The following DCAF4 variants were observed in gnomAD, a reference collection of about 807,000 sequenced individuals.
DCAF4 encodes the protein DDB1 and CUL4 associated factor 4, also known as DDB1- and CUL4-associated factor 4.
DCAF4 carries 37 observed loss-of-function variants against 60.9 expected under a neutral mutation model. That is an observed-to-expected ratio of 0.61 (90% CI 0.47 to 0.80). The LOEUF (loss-of-function observed/expected upper bound fraction) is 0.80. Among genes scored for constraint, DCAF4 ranks in the 30% least tolerant of loss-of-function variants. The pLI is 0.00. For synonymous variants in DCAF4, 243 were observed against 254.8 expected, an observed-to-expected ratio of 0.95 and a Z score of 0.44; for missense variants, 577 against 650.0, an observed-to-expected ratio of 0.89 and a Z score of 1.22.
rs1260594573 is a variant in DCAF4 at position 72,953,780 on chromosome 14, ATTTGTGTGTG to A, written c.809-382_809-373del. Reference sequence around the variant, plus strand: ...ATATATATAGTTTATTTATTTATTTATTTGTGTGTGTGTGTGTGTGTGTGTGTGTGTGTGT... The same window carrying A: ...ATATATATAGTTTATTTATTTATTTATGTGTGTGTGTGTGTGTGTGTGTGT... On this transcript the variant is annotated intron_variant, in intron 9 of 13. Coordinates refer to ENST00000358377, the MANE Select transcript of DCAF4 (RefSeq NM_015604.4). Among the ~76,000 whole-genome samples the A allele has an allele frequency of 1.6e-3, 21 of 13,366 alleles. 2 individuals carry two copies. Among genetic ancestry groups the A allele is most frequent in the African/African-American group, 4.0e-3 (20 of 5,040 alleles). 8.8% of individuals were successfully genotyped at this position (13,366 alleles called of 152,430 possible).
rs1455781585 is a variant in DCAF4, at chr14:72,945,980, A to G, written c.631A>G (p.Thr211Ala). ...IINLQSLKTP[T>A]LKVFMHENLY... ...CAACCTGCAAAGTCTGAAGACCCCT[A>G]CGCTCAAGGTGTTCATGCACGAAAA... Residue 211 changes from threonine (T) to alanine (A), a missense_variant, in exon 7 of 14, where the codon ACG (threonine) becomes GCG (alanine). Coordinates refer to ENST00000358377, the MANE Select transcript of DCAF4 (RefSeq NM_015604.4). The G allele has an allele frequency of 6.2e-7, 1 of 1,613,954 alleles. No individual in the cohort carries two copies. The highest frequency in any genetic ancestry group is 2.2e-5 in the East Asian group (1 of 44,892).
chr14:72,933,079 C>A (rs1888778854), intron 1 of DCAF4, among the ~76,000 whole-genome samples: 1 of 152,158 alleles, frequency 6.6e-6, no homozygotes, highest in Admixed American at 6.5e-5. Flanking sequence ...AGCTGCCCTG[C>A]GCATTGTAGG....
At chr14:72,948,806 C>T (rs755355096) in intron 8 of DCAF4, among the ~76,000 whole-genome samples, 55 of 152,254 alleles carry the variant, frequency 3.6e-4, no homozygotes, top group Non-Finnish European at 5.4e-4. Flanking sequence ...TTTGTTCAGA[C>T]CTGCACTCTG....
Position 72,944,822 on chromosome 14 carries a change from C to T in DCAF4, c.535-1062C>T, listed in dbSNP as rs144512259. Among the ~76,000 whole-genome samples, 1,439 of 151,578 alleles carry T rather than the reference C, an allele frequency of 9.5e-3. 10 individuals are homozygous for T. Among genetic ancestry groups the T allele is most frequent in the Middle Eastern group, 0.017 (5 of 292 alleles). ...AAAAAAATAGGGCCAGGTGTGGTGG[C>T]TCACACCTGTAATCCCAGCACTTTG... On this transcript the variant is annotated intron_variant, in intron 6 of 13. Coordinates refer to ENST00000358377, the MANE Select transcript of DCAF4 (RefSeq NM_015604.4).
intron 6 of DCAF4, among the ~76,000 whole-genome samples, chr14:72,943,421 G>T (rs955761447): frequency 6.6e-6 from 1 of 152,134 alleles, no homozygotes; most frequent in Non-Finnish European, 1.5e-5. Flanking sequence ...AATTAAAAAG[G>T]CTCACAGTGG....
At chr14:72,960,741 G>A (rs1474027092), downstream of DCAF4, 2 of 1,018,292 alleles carry the variant, frequency 2.0e-6, no homozygotes, top group Non-Finnish European at 2.4e-6. Context: ...ATGGTTCCTG[G>A]GCCATAGCAA....
At chr14:72,937,710 C>T (rs1889473259) in intron 1 of DCAF4, among the ~76,000 whole-genome samples, 1 of 152,060 alleles carries the variant, frequency 6.6e-6, no homozygotes, top group Non-Finnish European at 1.5e-5. Context: ...TGAGCCACCG[C>T]GCCTGGCCGA....
In DCAF4 at chr14:72,928,187, C is replaced by CTT. The variant is rs565229070; in HGVS notation, c.-9+1666_-9+1667dup. On this transcript the variant is annotated intron_variant, in intron 1 of 13. Coordinates refer to ENST00000358377, the MANE Select transcript of DCAF4 (RefSeq NM_015604.4). Reference sequence around the variant, plus strand: ...CCCGCTAGTCTACAGAATCCCCCCACTTTTTTTTTTTTTTTTTTTTTTTGA... The same window carrying CTT: ...CCCGCTAGTCTACAGAATCCCCCCACTTTTTTTTTTTTTTTTTTTTTTTTTGA... 1.5e-3 allele frequency among the ~76,000 whole-genome samples: 103 copies of CTT among 67,258 alleles called. 6 individuals carry two copies. The highest frequency in any genetic ancestry group is 3.2e-3 in the South Asian group (5 of 1,560). The allele number at this position is 67,258 out of a possible 152,430, so 44.1% of individuals were successfully genotyped here. A position where few individuals can be genotyped will look rare whatever the true frequency, so the allele number is the denominator to read the frequency against.
intron 6 of DCAF4, among the ~76,000 whole-genome samples, chr14:72,945,315 C>T (rs1400129140): frequency 6.6e-6 from 1 of 152,024 alleles, no homozygotes; most frequent in East Asian, 1.9e-4. Context: ...ATCACTTGAG[C>T]CCAGGAGTTC....
In DCAF4 at chr14:72,928,334, C is replaced by T. The variant is rs190262148; in HGVS notation, c.-9+1791C>T. On this transcript the variant is annotated intron_variant, in intron 1 of 13. Coordinates refer to ENST00000358377, the MANE Select transcript of DCAF4 (RefSeq NM_015604.4). Reference sequence around the variant, plus strand: ...TCAGCCTCCCGAGTAGCTGAGACTACGGGCGCACGCCACCGCGCCCGGCTA... The same window carrying T: ...TCAGCCTCCCGAGTAGCTGAGACTATGGGCGCACGCCACCGCGCCCGGCTA... Among the ~76,000 whole-genome samples the T allele has an allele frequency of 7.2e-3, 1,090 of 151,616 alleles. 16 individuals are homozygous for T. Among genetic ancestry groups the T allele is most frequent in the African/African-American group, 0.025 (1,044 of 41,370 alleles).
At chr14:72,944,151 C>T (rs569318883) in intron 6 of DCAF4, among the ~76,000 whole-genome samples, 39 of 152,196 alleles carry the variant, frequency 2.6e-4, no homozygotes, top group African/African-American at 8.4e-4. Flanking sequence ...CTGGACATCT[C>T]GACCCTCATG....
Position 72,956,370 on chromosome 14 carries a change from G to C in DCAF4, c.1180-16G>C, listed in dbSNP as rs765528699. 8 of 1,585,076 alleles carry C rather than the reference G, an allele frequency of 5.0e-6. No individual in the cohort carries two copies. The South Asian group carries it at 9.3e-5, about 19-fold the overall frequency. On this transcript the variant is annotated splice_polypyrimidine_tract_variant and intron_variant, in intron 12 of 13. Coordinates refer to ENST00000358377, the MANE Select transcript of DCAF4 (RefSeq NM_015604.4). Reference sequence around the variant, plus strand: ...CCCTGGCCCCTCCCTGATGGCCCCTGGTGCTTTTTCCACAGATCAAGCTGT... The same window carrying C: ...CCCTGGCCCCTCCCTGATGGCCCCTCGTGCTTTTTCCACAGATCAAGCTGT...
intron 9 of DCAF4, among the ~76,000 whole-genome samples, chr14:72,953,709 TAAAAAAAAA>T (rs778771457): frequency 1.3e-3 from 13 of 10,066 alleles, no homozygotes; most frequent in African/African-American, 1.9e-3. Flanking sequence ...GACCCTGTCT[TAAAAAAAAA>T]AAAAAAAAAA....
Position 72,939,838 on chromosome 14 carries a change from C to A in DCAF4, c.129C>A (p.Ser43=). The part of the protein sequence containing the change: ...DSRAAQPAHD[S]GHGDDESPST... ...GGGCAGCACAGCCCGCTCACGATTCCGGCCACGGTGATGACGAGTCTCCGT... is the reference window on the plus strand; with the variant it reads ...GGGCAGCACAGCCCGCTCACGATTCAGGCCACGGTGATGACGAGTCTCCGT... The change falls in exon 3 of 14, where the codon TCC becomes TCA. Residue 43 remains serine, a synonymous_variant. Coordinates refer to ENST00000358377, the MANE Select transcript of DCAF4 (RefSeq NM_015604.4). 2 of 1,613,222 alleles carry A rather than the reference C, an allele frequency of 1.2e-6. No homozygotes were observed. Among genetic ancestry groups the A allele is most frequent in the Non-Finnish European group, 1.7e-6 (2 of 1,179,638 alleles).
chr14:72,956,714 A>T (rs945628352), intron 13 of DCAF4: 1 of 482,850 alleles, frequency 2.1e-6, no homozygotes, highest in African/African-American at 2.0e-5. Context: ...GGACAGCCTC[A>T]TCCCATGTCA....
intron 8 of DCAF4, among the ~76,000 whole-genome samples, chr14:72,950,316 C>T (rs938920443): frequency 4.6e-5 from 7 of 152,120 alleles, no homozygotes; most frequent in South Asian, 2.1e-4. Context: ...GGCTCTAGCC[C>T]GGGCATCTTG....
chr14:72,958,371 A>G (rs1028925417), intron 13 of DCAF4, among the ~76,000 whole-genome samples: 1 of 152,226 alleles, frequency 6.6e-6, no homozygotes, highest in African/African-American at 2.4e-5. Flanking sequence ...ATACCCAGAC[A>G]TTAGCCAGGA....
chr14:72,938,475 AT>A (rs1889593750), intron 2 of DCAF4, among the ~76,000 whole-genome samples: 1 of 152,234 alleles, frequency 6.6e-6, no homozygotes, highest in African/African-American at 2.4e-5. Flanking sequence ...TCGGACAAGG[AT>A]ATACACTCAT....
chr14:72,937,729 C>T (rs1024202765), intron 1 of DCAF4, among the ~76,000 whole-genome samples: 2 of 152,012 alleles, frequency 1.3e-5, no homozygotes, highest in African/African-American at 4.8e-5. Flanking sequence ...GACCTGGCAA[C>T]GTTTCTGTGG....
Sources: gnomAD v4.1 joint callset for allele counts (sites outside exome capture counted in the v4.1 genomes callset) on GRCh38, gnomAD v4.1.1 for gene constraint, MANE v1.5 for transcripts, NCBI Gene and HGNC (gene_info 2026-07-23, HGNC 2026-07-21) for gene names.